The following CNTNAP2 variants were observed in gnomAD, a reference collection of about 807,000 sequenced individuals.
CNTNAP2 encodes contactin-associated protein-like 2.
Under a neutral mutation model 155.2 loss-of-function variants are expected in CNTNAP2, and 98 were observed. The observed-to-expected ratio is 0.63, with a 90% CI of 0.54 to 0.75. The LOEUF is 0.75. CNTNAP2 is among the 30% of genes least tolerant of loss of function. The probability of loss-of-function intolerance (pLI) is 0.00; values close to 1 mark genes in which losing one functional copy is unlikely to be tolerated. For synonymous variants in CNTNAP2, 651 were observed against 631.2 expected (o/e 1.03, Z -0.47); for missense variants, 1,727 against 1,688.1 (o/e 1.02, Z -0.40).
intron 21 of CNTNAP2, among the ~76,000 whole-genome samples, chr7:148,275,169 G>A (rs1030085846): frequency 6.6e-6 from 1 of 152,150 alleles, no homozygotes. Flanking sequence ...AGCAAGATAG[G>A]GGATCATACA....
intron 2 of CNTNAP2, among the ~76,000 whole-genome samples, chr7:146,819,103 C>T (rs1184058780): frequency 6.6e-6 from 1 of 151,956 alleles, no homozygotes; most frequent in Non-Finnish European, 1.5e-5. Context: ...TTATTTATAT[C>T]AGCTATAAAG....
chr7:146,546,114 T>C (rs544901901), intron 1 of CNTNAP2, among the ~76,000 whole-genome samples: 2 of 151,962 alleles, frequency 1.3e-5, no homozygotes, highest in East Asian at 3.9e-4. Flanking sequence ...TACAGTGAGA[T>C]TGGGGGTAAA....
intron 1 of CNTNAP2, among the ~76,000 whole-genome samples, chr7:146,616,704 C>G (rs1799230570): frequency 6.6e-6 from 1 of 152,188 alleles, no homozygotes; most frequent in African/African-American, 2.4e-5. Context: ...GTTTCCCAGA[C>G]TAGCGTCTCT....
intron 8 of CNTNAP2, among the ~76,000 whole-genome samples, chr7:147,142,347 A>T (rs1333312699): frequency 4.6e-5 from 7 of 152,014 alleles, no homozygotes; most frequent in Admixed American, 1.3e-4. Flanking sequence ...GGTTTTTGTC[A>T]TTGGTTCTGT....
chr7:146,335,190 A>G (rs970315084), intron 1 of CNTNAP2, among the ~76,000 whole-genome samples: 1 of 152,208 alleles, frequency 6.6e-6, no homozygotes, highest in Admixed American at 6.5e-5. Context: ...ATCAAAACCT[A>G]TATGTTGAGA....
chr7:147,598,496 T>C (rs371290897), intron 12 of CNTNAP2, among the ~76,000 whole-genome samples: 6 of 152,178 alleles, frequency 3.9e-5, no homozygotes, highest in African/African-American at 1.4e-4. Context: ...TCCATGTCCC[T>C]GCAAAGGACA....
chr7:147,272,550 G>C (rs569987271), intron 8 of CNTNAP2, among the ~76,000 whole-genome samples: 1 of 152,176 alleles, frequency 6.6e-6, no homozygotes, highest in East Asian at 1.9e-4. Flanking sequence ...CCAGGCTGGA[G>C]TGCAGTGGCG....
At chr7:146,680,072 C>T (rs1042075702) in intron 1 of CNTNAP2, among the ~76,000 whole-genome samples, 1 of 151,968 alleles carries the variant, frequency 6.6e-6, no homozygotes, top group Non-Finnish European at 1.5e-5. Context: ...TAAAATGTAG[C>T]GGATTTAATT....
chr7:147,819,477 A>AT (rs138563433), intron 13 of CNTNAP2, among the ~76,000 whole-genome samples: 9,542 of 152,180 alleles, frequency 0.063, 518 homozygotes, highest in East Asian at 0.18. Flanking sequence ...CATTTCCTTT[A>AT]TTTAAATTTT....
intron 10 of CNTNAP2, among the ~76,000 whole-genome samples, chr7:147,400,035 C>A (rs546307697): frequency 6.6e-6 from 1 of 152,290 alleles, no homozygotes; most frequent in African/African-American, 2.4e-5. Flanking sequence ...ATTTCTAGAA[C>A]CCTTGCATTA....
intron 3 of CNTNAP2, among the ~76,000 whole-genome samples, chr7:146,946,474 A>C (rs1797176387): frequency 6.6e-6 from 1 of 152,188 alleles, no homozygotes; most frequent in African/African-American, 2.4e-5. Flanking sequence ...TAAAGTATCC[A>C]AAACAAAAAT....
intron 21 of CNTNAP2, among the ~76,000 whole-genome samples, chr7:148,326,437 G>A (rs149168251): frequency 3.9e-5 from 6 of 152,078 alleles, no homozygotes; most frequent in Non-Finnish European, 2.9e-5. Flanking sequence ...GTCTCTCTTC[G>A]TTACCATCTG....
Position 148,288,944 on chromosome 7 carries a change from CAAAAAAAAAAAA to C in CNTNAP2, c.3475+21832_3475+21843del, listed in dbSNP as rs58641348. On this transcript the variant is annotated intron_variant, in intron 21 of 23. Transcript: ENST00000361727. ...CAACAGATTAAAATATCTTATTCAG[CAAAAAAAAAAAA>C]AAAAAAAAAAAAAGAGAGAAAAACC... 4.5e-3 allele frequency among the ~76,000 whole-genome samples: 463 copies of C among 101,762 alleles called. 3 individuals carry two copies. Among genetic ancestry groups the C allele is most frequent in the African/African-American group, 0.014 (398 of 27,666 alleles). The allele number at this position is 101,762 out of a possible 152,430, so 66.8% of individuals were successfully genotyped here. A position where few individuals can be genotyped will look rare whatever the true frequency, so the allele number is the denominator to read the frequency against.
At chr7:146,894,634 G>A (rs1228492736) in intron 3 of CNTNAP2, among the ~76,000 whole-genome samples, 3 of 151,994 alleles carry the variant, frequency 2.0e-5, no homozygotes, top group African/African-American at 7.3e-5. Context: ...CTTTTGTTGG[G>A]TGCTTTTGCC....
chr7:146,287,321 C>T (rs1307484239), intron 1 of CNTNAP2, among the ~76,000 whole-genome samples: 3 of 152,048 alleles, frequency 2.0e-5, no homozygotes, highest in African/African-American at 7.2e-5. Flanking sequence ...AAGTAGGTGT[C>T]CCCACTGGGA....
intron 11 of CNTNAP2, 121 bp downstream of exon 11, chr7:147,486,162 C>A: frequency 5.6e-6 from 4 of 716,020 alleles, no homozygotes; most frequent in Admixed American, 2.8e-5. Flanking sequence ...ATCTGAAAAA[C>A]CAAGATTCCA....
At chr7:147,411,308 C>T (rs1045646316) in intron 10 of CNTNAP2, among the ~76,000 whole-genome samples, 1 of 152,178 alleles carries the variant, frequency 6.6e-6, no homozygotes, top group African/African-American at 2.4e-5. Flanking sequence ...CAAGTTAGAA[C>T]TTTCCTGGCT....
At chr7:146,590,205 G>C (rs1798760340) in intron 1 of CNTNAP2, among the ~76,000 whole-genome samples, 2 of 152,152 alleles carry the variant, frequency 1.3e-5, no homozygotes, top group South Asian at 4.1e-4. Flanking sequence ...TCTTCTACAA[G>C]GAATGCGGAA....
chr7:146,481,111 C>G (rs1386021127), intron 1 of CNTNAP2, among the ~76,000 whole-genome samples: 1 of 152,084 alleles, frequency 6.6e-6, no homozygotes, highest in Non-Finnish European at 1.5e-5. Context: ...AATGGTTTAT[C>G]AACTCATTCC....
Sources: gnomAD v4.1 joint callset for allele counts (sites outside exome capture counted in the v4.1 genomes callset) on GRCh38, gnomAD v4.1.1 for gene constraint, MANE v1.5 for transcripts, NCBI Gene and HGNC (gene_info 2026-07-23, HGNC 2026-07-21) for gene names.